NFIA: variants seen among roughly 807,000 people sequenced by gnomAD.
NFIA encodes the protein nuclear factor 1 A-type.
In NFIA, 8 loss-of-function variants were observed where a neutral mutation model predicts 62.8. The observed-to-expected ratio is 0.13, with a 90% CI of 0.07 to 0.23. NFIA has a LOEUF of 0.23. Among genes scored for constraint, NFIA ranks in the 10% least tolerant of loss-of-function variants. The pLI, the probability that NFIA is intolerant of heterozygous loss-of-function variation, is 1.00. For synonymous variants in NFIA, 235 were observed against 238.1 expected (o/e 0.99, Z 0.12); for missense variants, 410 against 642.1 (o/e 0.64, Z 3.91).
intron 3 of NFIA, among the ~76,000 whole-genome samples, chr1:61,304,283 AAAAG>A (rs1026489726): frequency 9.2e-5 from 14 of 152,146 alleles, no homozygotes; most frequent in Middle Eastern, 3.4e-3. Flanking sequence ...CTAAAAAAGA[AAAAG>A]AGAGAGAGAG....
rs1668572176 is a variant in NFIA, at chr1:61,462,177, T to G, written c.*6857T>G. 1 of 152,020 alleles carries G rather than the reference T, an allele frequency of 6.6e-6. No homozygotes were observed. The allele number at this position is 152,020 out of a possible 1,614,324, so 9.4% of individuals were successfully genotyped here. A position where few individuals can be genotyped will look rare whatever the true frequency, so the allele number is the denominator to read the frequency against. ...CTCCCTGGTCTCAGACCATCGTCTC[T>G]GCACTGCGAAGGCATTTGGTAGCCT... On this transcript the variant is annotated 3_prime_UTR_variant, in exon 11 of 11. Transcript: ENST00000403491.
chr1:61,438,211 A>C (rs1667418282), intron 10 of NFIA, among the ~76,000 whole-genome samples: 1 of 152,112 alleles, frequency 6.6e-6, no homozygotes, highest in Non-Finnish European at 1.5e-5. Flanking sequence ...AGCCTTTCTG[A>C]CCCTCAGATG....
chr1:61,130,824 T>C (rs1316952462), intron 2 of NFIA, among the ~76,000 whole-genome samples: 1 of 152,224 alleles, frequency 6.6e-6, no homozygotes, highest in Non-Finnish European at 1.5e-5. Context: ...TTTGCTTTTA[T>C]TGGAATAACT....
intron 6 of NFIA, among the ~76,000 whole-genome samples, chr1:61,373,434 A>C (rs1369251597): frequency 6.6e-6 from 1 of 152,032 alleles, no homozygotes; most frequent in African/African-American, 2.4e-5. Flanking sequence ...TCAAATTTTT[A>C]CTTTAGCTGG....
intron 10 of NFIA, among the ~76,000 whole-genome samples, chr1:61,451,030 A>G (rs185022159): frequency 1.6e-4 from 24 of 152,196 alleles, no homozygotes; most frequent in Admixed American, 1.2e-3. Context: ...CAGCAGCCCC[A>G]TGACCACATT....
chr1:61,398,115 T>C (rs1443848611), intron 7 of NFIA, among the ~76,000 whole-genome samples: 1 of 152,242 alleles, frequency 6.6e-6, no homozygotes, highest in Non-Finnish European at 1.5e-5. Flanking sequence ...TTTGCCTGTA[T>C]TTGAAAATAA....
At chr1:61,135,379 T>C (rs1301080060) in intron 2 of NFIA, among the ~76,000 whole-genome samples, 1 of 152,180 alleles carries the variant, frequency 6.6e-6, no homozygotes, top group African/African-American at 2.4e-5. Flanking sequence ...TATCATGCCT[T>C]CTTGTTACCT....
intron 2 of NFIA, among the ~76,000 whole-genome samples, chr1:61,158,642 G>GA (rs1648973408): frequency 6.6e-6 from 1 of 152,168 alleles, no homozygotes; most frequent in Non-Finnish European, 1.5e-5. Flanking sequence ...AAAGTTGAAG[G>GA]AAAAATCGTG....
intron 7 of NFIA, among the ~76,000 whole-genome samples, chr1:61,396,137 G>A (rs1665256418): frequency 6.6e-6 from 1 of 152,220 alleles, no homozygotes; most frequent in South Asian, 2.1e-4. Flanking sequence ...ATGCCAGGTA[G>A]TGGCAGAAAC....
At chr1:61,128,432 G>A (rs1647013727) in intron 2 of NFIA, among the ~76,000 whole-genome samples, 3 of 152,032 alleles carry the variant, frequency 2.0e-5, no homozygotes, top group African/African-American at 7.2e-5. Context: ...GAAACATAGC[G>A]AAACCACATC....
intron 6 of NFIA, among the ~76,000 whole-genome samples, chr1:61,381,780 C>G (rs1664428280): frequency 6.6e-6 from 1 of 152,106 alleles, no homozygotes; most frequent in African/African-American, 2.4e-5. Context: ...ACAAAGCAGA[C>G]AAGGACTCTG....
intron 10 of NFIA, among the ~76,000 whole-genome samples, chr1:61,452,947 G>A (rs1457372233): frequency 1.3e-5 from 2 of 152,126 alleles, no homozygotes; most frequent in Non-Finnish European, 2.9e-5. Context: ...AGAAAAAGAG[G>A]TGGGGGGCTG....
At chr1:61,389,978 A>T (rs1238657677) in intron 7 of NFIA, among the ~76,000 whole-genome samples, 3 of 152,206 alleles carry the variant, frequency 2.0e-5, no homozygotes, top group Non-Finnish European at 4.4e-5. Context: ...AGTGTACAAG[A>T]TGCTCTAGTA....
chr1:61,257,324 G>C (rs1428819709), intron 2 of NFIA, among the ~76,000 whole-genome samples: 52 of 133,044 alleles, frequency 3.9e-4, no homozygotes, highest in African/African-American at 1.4e-3. Context: ...ATTTTTTACT[G>C]CGTTGTTTTT....
chr1:61,416,900 C>T (rs943141012), intron 9 of NFIA, among the ~76,000 whole-genome samples: 7 of 152,102 alleles, frequency 4.6e-5, no homozygotes, highest in Non-Finnish European at 1.0e-4. Context: ...CTTTGAAAAT[C>T]TTAAAACACC....
chr1:61,349,163 GC>G (rs1662413702), intron 4 of NFIA, among the ~76,000 whole-genome samples: 1 of 151,910 alleles, frequency 6.6e-6, no homozygotes, highest in Non-Finnish European at 1.5e-5. Context: ...AATATAAAAA[GC>G]AAATTAGGGA....
chr1:61,439,159 C>G (rs1465325514), intron 10 of NFIA, among the ~76,000 whole-genome samples: 4 of 152,016 alleles, frequency 2.6e-5, no homozygotes. Context: ...TGAGTGCACC[C>G]CCAAGCCCCC....
intron 7 of NFIA, among the ~76,000 whole-genome samples, chr1:61,392,695 T>G (rs985081009): frequency 6.6e-6 from 1 of 152,242 alleles, no homozygotes; most frequent in Non-Finnish European, 1.5e-5. Context: ...TAAAGAGAGC[T>G]CTTCCGTAGT....
chr1:61,322,814 A>C (rs746273807), intron 3 of NFIA, among the ~76,000 whole-genome samples: 9 of 152,244 alleles, frequency 5.9e-5, no homozygotes, highest in Non-Finnish European at 1.3e-4. Context: ...GACTGGGGAC[A>C]TAAGTCCCCA....
Sources: gnomAD v4.1 joint callset for allele counts (sites outside exome capture counted in the v4.1 genomes callset) on GRCh38, gnomAD v4.1.1 for gene constraint, MANE v1.5 for transcripts, NCBI Gene and HGNC (gene_info 2026-07-23, HGNC 2026-07-21) for gene names.